KYNU: variants seen among roughly 807,000 people sequenced by gnomAD.
KYNU encodes the protein L-kynurenine hydrolase.
In KYNU, 54 loss-of-function variants were observed where a neutral mutation model predicts 59.2. The observed-to-expected ratio is 0.91, with a 90% CI of 0.73 to 1.14. KYNU has a LOEUF of 1.14. Ranked by LOEUF, KYNU falls within the 50% of genes most tolerant of loss-of-function variation. The probability of loss-of-function intolerance (pLI) is 0.00; values close to 1 mark genes in which losing one functional copy is unlikely to be tolerated. For synonymous variants in KYNU, 177 were observed against 192.0 expected (o/e 0.92, Z 0.65); for missense variants, 567 against 554.4 (o/e 1.02, Z -0.23).
chr2:142,903,396 C>T (rs1006716612), intron 2 of KYNU, among the ~76,000 whole-genome samples: 2 of 152,000 alleles, frequency 1.3e-5, no homozygotes, highest in Non-Finnish European at 2.9e-5. Context: ...ATGGTCCCTG[C>T]TTTTGTTAGA....
chr2:142,895,318 A>C (rs1446243355), intron 2 of KYNU, among the ~76,000 whole-genome samples: 1 of 152,204 alleles, frequency 6.6e-6, no homozygotes, highest in African/African-American at 2.4e-5. Flanking sequence ...AATCCCTGAT[A>C]ACCACTAATC....
Position 143,048,247 on chromosome 2 carries a change from G to C in KYNU, c.*6075G>C, listed in dbSNP as rs767590431. On this transcript the variant is annotated 3_prime_UTR_variant, in exon 14 of 14. Coordinates refer to ENST00000264170, the MANE Select transcript of KYNU (RefSeq NM_003937.3). ...TTGAGTCCGTTTTTTCTTTCTATTT[G>C]TGTGGAAATTATACACTTATTCTTT... The C allele has an allele frequency of 2.0e-5, 3 of 151,976 alleles. No homozygotes were observed. The highest frequency in any genetic ancestry group is 4.4e-5 in the Non-Finnish European group (3 of 67,992). 9.4% of individuals were successfully genotyped at this position (151,976 alleles called of 1,614,324 possible).
chr2:143,031,937 G>A (rs1252528814), intron 11 of KYNU, among the ~76,000 whole-genome samples: 4 of 152,110 alleles, frequency 2.6e-5, no homozygotes, highest in African/African-American at 9.7e-5. Context: ...GCACATATGA[G>A]GTGATGGGAG....
At chr2:143,005,225 C>T (rs1413017302) in intron 10 of KYNU, among the ~76,000 whole-genome samples, 1 of 152,116 alleles carries the variant, frequency 6.6e-6, no homozygotes, top group Non-Finnish European at 1.5e-5. Flanking sequence ...GAGATCAATC[C>T]TTCCCCCAGG....
chr2:142,926,069 G>C (rs981576608), intron 3 of KYNU, among the ~76,000 whole-genome samples: 1 of 152,112 alleles, frequency 6.6e-6, no homozygotes, highest in Admixed American at 6.6e-5. Context: ...CCATAAGTGG[G>C]AGTTGAACAA....
intron 10 of KYNU, among the ~76,000 whole-genome samples, chr2:143,007,595 C>A (rs1018725579): frequency 3.5e-5 from 4 of 113,474 alleles, no homozygotes; most frequent in Non-Finnish European, 5.2e-5. Flanking sequence ...AACTCCAAGA[C>A]ACATAATTGT....
At chr2:142,914,969 C>A (rs1024267775) in intron 2 of KYNU, among the ~76,000 whole-genome samples, 15 of 152,300 alleles carry the variant, frequency 9.8e-5, no homozygotes, top group African/African-American at 3.6e-4. Context: ...TCCTGTTAGA[C>A]AAGAAACATT....
intron 4 of KYNU, among the ~76,000 whole-genome samples, chr2:142,934,344 T>C (rs905413941): frequency 6.6e-6 from 1 of 151,942 alleles, no homozygotes; most frequent in African/African-American, 2.4e-5. Flanking sequence ...AAAAGTTGCA[T>C]GTTTTAAGGT....
At chr2:142,967,377 T>A (rs977718027) in intron 8 of KYNU, 1 of 152,172 alleles carries the variant, frequency 6.6e-6, no homozygotes, top group Admixed American at 6.6e-5. Flanking sequence ...ACTCCAACAT[T>A]GTTTTATTAG....
At chr2:142,959,786 A>G (rs899232851) in intron 7 of KYNU, among the ~76,000 whole-genome samples, 1 of 152,118 alleles carries the variant, frequency 6.6e-6, no homozygotes, top group Non-Finnish European at 1.5e-5. Context: ...AGTCAGTTTT[A>G]TTGATATTTT....
At chr2:142,937,223 C>T (rs2105039857) in intron 4 of KYNU, among the ~76,000 whole-genome samples, 1 of 152,164 alleles carries the variant, frequency 6.6e-6, no homozygotes, top group South Asian at 2.1e-4. Context: ...GGCCTTGCAC[C>T]TTGGTACTGG....
intron 8 of KYNU, among the ~76,000 whole-genome samples, chr2:142,981,884 T>C (rs1472148434): frequency 2.0e-5 from 3 of 152,102 alleles, no homozygotes; most frequent in Non-Finnish European, 4.4e-5. Context: ...TTTTAGGCTT[T>C]GTGGGCCATA....
At position 142,896,291 on chromosome 2, in the gene KYNU, C is replaced by T. The variant is rs75343151; in HGVS notation, c.169+10755C>T. Among the ~76,000 whole-genome samples, 1,155 of 152,272 alleles carry T rather than the reference C, an allele frequency of 7.6e-3. 13 individuals are homozygous for T. Among genetic ancestry groups the T allele is most frequent in the African/African-American group, 0.027 (1,115 of 41,554 alleles). On this transcript the variant is annotated intron_variant, in intron 2 of 13. Coordinates refer to ENST00000264170, the MANE Select transcript of KYNU (RefSeq NM_003937.3). ...TGTCTGTTGTTCCCCATATTCACCC[C>T]CAGTTGGTATTACCAGTTTTTTGTT...
In KYNU at chr2:142,925,523, T is replaced by C. The variant is rs372283053; in HGVS notation, c.291-2136T>C. 7.2e-5 allele frequency among the ~76,000 whole-genome samples: 11 copies of C among 152,348 alleles called. No individual in the cohort carries two copies. The East Asian group carries it at 1.3e-3, about 19-fold the overall frequency. ...GTAACCGTCTCTTTCACATGTTATC[T>C]CATTTATTTCTCATGGGAATCCTTT... On this transcript the variant is annotated intron_variant, in intron 3 of 13. Transcript: ENST00000264170.
At chr2:143,023,658 C>T (rs562464543) in intron 10 of KYNU, among the ~76,000 whole-genome samples, 2 of 151,834 alleles carry the variant, frequency 1.3e-5, no homozygotes, top group South Asian at 2.1e-4. Flanking sequence ...ATTGACAAAA[C>T]TATCAAGTGA....
intron 3 of KYNU, among the ~76,000 whole-genome samples, chr2:142,920,631 T>C (rs551522448): frequency 5.9e-5 from 9 of 152,308 alleles, no homozygotes; most frequent in African/African-American, 2.2e-4. Flanking sequence ...AATTTCATCA[T>C]TTTAATTAAA....
intron 4 of KYNU, among the ~76,000 whole-genome samples, chr2:142,940,121 TAATA>T (rs1325827777): frequency 6.6e-6 from 1 of 151,658 alleles, no homozygotes; most frequent in Non-Finnish European, 1.5e-5. Context: ...AATATTTGTG[TAATA>T]AATCCTTCGT....
intron 4 of KYNU, among the ~76,000 whole-genome samples, chr2:142,951,410 C>G (rs545867783): frequency 1.1e-4 from 17 of 152,130 alleles, no homozygotes; most frequent in Non-Finnish European, 1.8e-4. Context: ...AAAAAATTAG[C>G]TGGATGTCAT....
At chr2:143,032,188 G>A (rs1413972265) in intron 11 of KYNU, among the ~76,000 whole-genome samples, 3 of 151,998 alleles carry the variant, frequency 2.0e-5, no homozygotes, top group Non-Finnish European at 4.4e-5. Context: ...TGAGGCAGGA[G>A]AATGGCGTGA....
Sources: gnomAD v4.1 joint callset for allele counts (sites outside exome capture counted in the v4.1 genomes callset) on GRCh38, gnomAD v4.1.1 for gene constraint, MANE v1.5 for transcripts, NCBI Gene and HGNC (gene_info 2026-07-23, HGNC 2026-07-21) for gene names.